The following CACNA2D1 variants were observed in gnomAD, a reference collection of about 807,000 sequenced individuals.
The protein encoded by CACNA2D1 is calcium voltage-gated channel auxiliary subunit alpha2delta 1.
Under a neutral mutation model 171.5 loss-of-function variants are expected in CACNA2D1, and 53 were observed. The observed-to-expected ratio is 0.31, with a 90% CI of 0.25 to 0.39. CACNA2D1 has a LOEUF of 0.39. Ranked by LOEUF, CACNA2D1 falls within the 10% of genes least tolerant of loss-of-function variation. The probability of loss-of-function intolerance (pLI) is 1.00; values close to 1 mark genes in which losing one functional copy is unlikely to be tolerated. For synonymous variants in CACNA2D1, 442 were observed against 443.1 expected, an observed-to-expected ratio of 1.00 and a Z score of 0.03; for missense variants, 903 against 1,299.8, an observed-to-expected ratio of 0.69 and a Z score of 4.69.
intron 10 of CACNA2D1, among the ~76,000 whole-genome samples, chr7:82,056,848 A>C (rs1199203418): frequency 2.0e-5 from 3 of 152,140 alleles, no homozygotes; most frequent in East Asian, 1.9e-4. Flanking sequence ...ACAAATACTG[A>C]CTGATTTATC....
intron 3 of CACNA2D1, among the ~76,000 whole-genome samples, chr7:82,173,503 TAA>T (rs1796253060): frequency 1.3e-5 from 2 of 152,032 alleles, no homozygotes; most frequent in Non-Finnish European, 2.9e-5. Flanking sequence ...ATGAAGAAAT[TAA>T]TAAATATTTT....
rs749669650 is a variant in CACNA2D1, at chr7:81,967,791, TAAGA to T, written c.2396-132_2396-129del. The stretch of plus-strand genomic sequence containing the variant: ...ACAGAAGTTTTAGTTTTGTGTTCAT[TAAGA>T]AATAATGCTAATAGCTCTTAAACTA... On this transcript the variant is annotated intron_variant, in intron 29 of 38. Transcript: ENST00000356860. 1.7e-5 allele frequency: 10 copies of T among 596,522 alleles called. No homozygotes were observed. The African/African-American group carries it at 1.7e-4, about 10-fold the overall frequency. The allele number at this position is 596,522 out of a possible 1,614,324, so 37.0% of individuals were successfully genotyped here.
At chr7:82,436,246 T>G (rs1830109266) in intron 1 of CACNA2D1, among the ~76,000 whole-genome samples, 1 of 152,148 alleles carries the variant, frequency 6.6e-6, no homozygotes, top group East Asian at 1.9e-4. Flanking sequence ...ACTTCAAAAA[T>G]AAAATGTACT....
intron 1 of CACNA2D1, among the ~76,000 whole-genome samples, chr7:82,374,658 TTAA>T (rs1822802920): frequency 6.6e-6 from 1 of 152,112 alleles, no homozygotes; most frequent in African/African-American, 2.4e-5. Context: ...TAGCAACACC[TTAA>T]TAATAAAAGC....
At chr7:82,284,081 G>A (rs1298482250) in intron 3 of CACNA2D1, among the ~76,000 whole-genome samples, 2 of 151,826 alleles carry the variant, frequency 1.3e-5, no homozygotes, top group Non-Finnish European at 2.9e-5. Context: ...TGTAGTCCCA[G>A]ATACTAGAGA....
intron 1 of CACNA2D1, among the ~76,000 whole-genome samples, chr7:82,366,510 G>T (rs570656368): frequency 6.6e-6 from 1 of 152,232 alleles, no homozygotes; most frequent in South Asian, 2.1e-4. Context: ...ATTCTCTTAG[G>T]ATACTGACCT....
chr7:82,161,048 G>A (rs540158602), intron 4 of CACNA2D1, among the ~76,000 whole-genome samples: 9 of 152,116 alleles, frequency 5.9e-5, no homozygotes, highest in South Asian at 2.1e-4. Flanking sequence ...GGCACCTTGT[G>A]TATTTTTTAT....
chr7:82,338,610 T>A (rs1168055977), intron 2 of CACNA2D1, among the ~76,000 whole-genome samples: 1 of 152,174 alleles, frequency 6.6e-6, no homozygotes, highest in Non-Finnish European at 1.5e-5. Flanking sequence ...AATTAACCAT[T>A]GTATTAGTGA....
intron 25 of CACNA2D1, among the ~76,000 whole-genome samples, chr7:81,973,195 T>A (rs957558938): frequency 3.3e-5 from 5 of 152,074 alleles, no homozygotes; most frequent in African/African-American, 1.2e-4. Context: ...CATTCAACAA[T>A]CTTATTACAG....
At chr7:82,319,050 T>C (rs1585471366) in intron 3 of CACNA2D1, among the ~76,000 whole-genome samples, 2 of 152,324 alleles carry the variant, frequency 1.3e-5, no homozygotes, top group East Asian at 3.9e-4. Flanking sequence ...TACAAATACA[T>C]GGGCAAAATA....
intron 6 of CACNA2D1, among the ~76,000 whole-genome samples, chr7:82,111,354 GTGTATATA>G (rs1301853384): frequency 8.2e-6 from 1 of 122,078 alleles, no homozygotes; most frequent in Non-Finnish European, 1.8e-5. Context: ...TCATATATAT[GTGTATATA>G]TGTATATATA....
chr7:82,037,175 C>T (rs1038622583), intron 11 of CACNA2D1, among the ~76,000 whole-genome samples: 1 of 152,162 alleles, frequency 6.6e-6, no homozygotes, highest in Non-Finnish European at 1.5e-5. Context: ...CACTAGTCCA[C>T]AGTATGAGAC....
At chr7:81,995,018 T>G in intron 19 of CACNA2D1, 79 bp from the exon 20 acceptor site, 2 of 756,666 alleles carry the variant, frequency 2.6e-6, no homozygotes, top group South Asian at 3.0e-5. Context: ...ATGGTAGTTT[T>G]TCAAGTTCTT....
At position 82,134,850 on chromosome 7, in the gene CACNA2D1, C is replaced by T. The variant is rs150907036; in HGVS notation, c.396+1785G>A. On this transcript the variant is annotated intron_variant, in intron 5 of 38. Coordinates refer to ENST00000356860, the MANE Select transcript of CACNA2D1 (RefSeq NM_000722.4). ...AACTGAAGTATTACAAATAGTAACACGTGCACTTTTCCACTTGTAGTGGAC... is the reference window on the plus strand; with the variant it reads ...AACTGAAGTATTACAAATAGTAACATGTGCACTTTTCCACTTGTAGTGGAC... Among the ~76,000 whole-genome samples the T allele has an allele frequency of 1.4e-4, 21 of 152,192 alleles. No individual in the cohort carries two copies. In the East Asian group the frequency reaches 2.5e-3, roughly 18 times the overall value.
intron 4 of CACNA2D1, among the ~76,000 whole-genome samples, chr7:82,148,378 A>G (rs1384110811): frequency 6.6e-6 from 1 of 152,026 alleles, no homozygotes; most frequent in Non-Finnish European, 1.5e-5. Context: ...AGGAATATTG[A>G]GAATTTCCTA....
chr7:82,217,531 G>C (rs908523096), intron 3 of CACNA2D1, among the ~76,000 whole-genome samples: 1 of 147,920 alleles, frequency 6.8e-6, no homozygotes, highest in African/African-American at 2.5e-5. Flanking sequence ...TTTAATGAAA[G>C]AGAAATAGAA....
intron 4 of CACNA2D1, among the ~76,000 whole-genome samples, chr7:82,146,325 TGC>T (rs1486797810): frequency 1.4e-5 from 2 of 146,886 alleles, no homozygotes; most frequent in Non-Finnish European, 3.0e-5. Context: ...TGTGTGTGTG[TGC>T]GTGTGTGTGT....
chr7:82,162,014 T>G (rs1794994542), intron 4 of CACNA2D1, among the ~76,000 whole-genome samples: 1 of 151,894 alleles, frequency 6.6e-6, no homozygotes, highest in Admixed American at 6.6e-5. Context: ...ACTAAAGAAG[T>G]GTTTGAAGAA....
intron 3 of CACNA2D1, among the ~76,000 whole-genome samples, chr7:82,318,099 T>C (rs1389455091): frequency 6.6e-6 from 1 of 152,104 alleles, no homozygotes; most frequent in Non-Finnish European, 1.5e-5. Flanking sequence ...GCCTTATGCT[T>C]AGAACTTCAA....
Sources: allele counts gnomAD v4.1 joint callset (sites outside exome capture counted in the v4.1 genomes callset), GRCh38; gene constraint gnomAD v4.1.1; transcripts MANE v1.5; gene names NCBI Gene and HGNC (gene_info 2026-07-23, HGNC 2026-07-21).